The following BLOC1S5 variants were observed in gnomAD, a reference collection of about 807,000 sequenced individuals.
The protein encoded by BLOC1S5 is biogenesis of lysosomal organelles complex 1 subunit 5.
BLOC1S5 carries 27 observed loss-of-function variants against 24.3 expected under a neutral mutation model. That is an observed-to-expected ratio of 1.11 (90% confidence interval 0.82 to 1.53). The LOEUF (loss-of-function observed/expected upper bound fraction) is 1.53. BLOC1S5 is among the 40% of genes most tolerant of loss of function. The pLI is 0.00. For missense variants in BLOC1S5, 239 were observed against 229.4 expected (o/e 1.04, Z -0.27); for synonymous variants, 84 against 74.5 (o/e 1.13, Z -0.66).
chr6:8,020,724 A>T (rs1182396152), intron 4 of BLOC1S5, among the ~76,000 whole-genome samples: 1 of 152,222 alleles, frequency 6.6e-6, no homozygotes, highest in Non-Finnish European at 1.5e-5. Flanking sequence ...GTATTTATTG[A>T]TTCAAGAAAC....
At position 8,044,152 on chromosome 6, in the gene BLOC1S5, T is replaced by C. The variant is rs149005268; in HGVS notation, c.196-2884A>G. Among the ~76,000 whole-genome samples, 1,043 of 151,892 alleles carry C rather than the reference T, an allele frequency of 6.9e-3. 9 individuals carry two copies. Among genetic ancestry groups the C allele is most frequent in the African/African-American group, 0.023 (951 of 41,456 alleles). ...CAAAAAAATTAGCCAGGCGTGGTGG[T>C]GCATGCCTGTAATCCTAGCTACTCA... On this transcript the variant is annotated intron_variant, in intron 2 of 4. Transcript: ENST00000397457.
intron 2 of BLOC1S5, among the ~76,000 whole-genome samples, chr6:8,046,017 A>AT (rs1487360615): frequency 2.0e-5 from 3 of 152,122 alleles, no homozygotes; most frequent in Non-Finnish European, 4.4e-5. Context: ...CAAAGGTGGA[A>AT]TTATATGGTT....
chr6:8,018,520 T>G (rs1762815133), intron 4 of BLOC1S5, among the ~76,000 whole-genome samples: 1 of 152,194 alleles, frequency 6.6e-6, no homozygotes. Context: ...CCAGAACGCA[T>G]TTTATCCAGT....
At chr6:8,028,143 G>A (rs1191216764) in intron 3 of BLOC1S5, among the ~76,000 whole-genome samples, 1 of 151,814 alleles carries the variant, frequency 6.6e-6, no homozygotes, top group Non-Finnish European at 1.5e-5. Flanking sequence ...ACCCCAATCC[G>A]GCCCCAACTA....
intron 3 of BLOC1S5, among the ~76,000 whole-genome samples, chr6:8,040,393 T>C (rs982964734): frequency 2.0e-5 from 3 of 152,222 alleles, no homozygotes; most frequent in African/African-American, 4.8e-5. Context: ...TAGGTAAAGA[T>C]GGCAGAATGA....
intron 2 of BLOC1S5, among the ~76,000 whole-genome samples, 179 bp downstream of exon 2, chr6:8,062,352 CTGT>C: frequency 6.6e-6 from 1 of 152,176 alleles, no homozygotes; most frequent in Middle Eastern, 3.4e-3. Flanking sequence ...ATGTATCCTG[CTGT>C]TTAGTATGGA....
At chr6:8,023,830 A>G (rs1763011742) in intron 4 of BLOC1S5, among the ~76,000 whole-genome samples, 1 of 140,824 alleles carries the variant, frequency 7.1e-6, no homozygotes, top group Non-Finnish European at 1.5e-5. Flanking sequence ...GCACATGTGT[A>G]TATGTGCACA....
chr6:8,058,282 G>A (rs973719258), intron 2 of BLOC1S5, among the ~76,000 whole-genome samples: 1 of 144,890 alleles, frequency 6.9e-6, no homozygotes, highest in South Asian at 2.2e-4. Context: ...TACTTTTGGA[G>A]ACTGGGGTAG....
intron 2 of BLOC1S5, among the ~76,000 whole-genome samples, chr6:8,048,544 T>C (rs1763982829): frequency 6.6e-6 from 1 of 152,218 alleles, no homozygotes; most frequent in African/African-American, 2.4e-5. Flanking sequence ...TTTCCAGTTA[T>C]CAAAACACCA....
At chr6:8,040,989 G>T in intron 3 of BLOC1S5, 150 bp downstream of exon 3, 1 of 731,468 alleles carries the variant, frequency 1.4e-6, no homozygotes, top group Non-Finnish European at 2.1e-6. Context: ...ATTAATTAAT[G>T]GCAACACACA....
chr6:8,064,406 G>T (rs1366370212), upstream of BLOC1S5: 1 of 1,580,168 alleles, frequency 6.3e-7, no homozygotes, highest in Non-Finnish European at 8.6e-7. Flanking sequence ...CCGCGGCCAC[G>T]CTGCGCCTGC....
chr6:8,037,693 G>A (rs1020816229), intron 3 of BLOC1S5, among the ~76,000 whole-genome samples: 15 of 152,124 alleles, frequency 9.9e-5, no homozygotes, highest in African/African-American at 3.4e-4. Context: ...AACAAAGCTG[G>A]AGGCATCACA....
rs753710502 is a variant in BLOC1S5 at position 8,062,630 on chromosome 6, A to G, written c.113-14T>C. On this transcript the variant is annotated splice_polypyrimidine_tract_variant and intron_variant, in intron 1 of 4. Transcript: ENST00000397457. The stretch of plus-strand genomic sequence containing the variant: ...TTTCTCCAAGATCTATAAAGATAAA[A>G]TGAAATTCAGGGTTAATCCATGCTA... 2 of 1,555,412 alleles carry G rather than the reference A, an allele frequency of 1.3e-6. No homozygotes were observed. The highest frequency in any genetic ancestry group is 2.3e-5 in the South Asian group (2 of 87,154).
chr6:8,058,279 G>A (rs1354571655), intron 2 of BLOC1S5, among the ~76,000 whole-genome samples: 3 of 146,588 alleles, frequency 2.0e-5, no homozygotes, highest in Admixed American at 7.1e-5. Context: ...CAGTACTTTT[G>A]GAGACTGGGG....
intron 2 of BLOC1S5, among the ~76,000 whole-genome samples, chr6:8,055,601 G>A (rs1764278644): frequency 6.6e-6 from 1 of 152,142 alleles, no homozygotes; most frequent in Non-Finnish European, 1.5e-5. Flanking sequence ...ATTTTTAGAA[G>A]GGAGGGGTGG....
Position 8,064,311 on chromosome 6 carries a change from C to A in BLOC1S5, c.66G>T (p.Lys22Asn), listed in dbSNP as rs1470289414. 5.0e-6 allele frequency: 8 copies of A among 1,613,638 alleles called. No individual in the cohort carries two copies. Among genetic ancestry groups the A allele is most frequent in the African/African-American group, 2.7e-5 (2 of 74,942 alleles). Reference protein sequence around the residue: ...CEAAPGGGSKKRDSLGTAGSA... With the variant: ...CEAAPGGGSKNRDSLGTAGSA... ...AGCCCGCAGTCCCCAGGGAGTCCCT[C>A]TTCTTGCTGCCACCGCCCGGGGCGG... Residue 22 changes from lysine (K) to asparagine (N), a missense_variant, in exon 1 of 5, where the codon AAG becomes AAT. Coordinates refer to ENST00000397457, the MANE Select transcript of BLOC1S5 (RefSeq NM_201280.3).
At chr6:8,022,345 T>G (rs914880357) in intron 4 of BLOC1S5, among the ~76,000 whole-genome samples, 2 of 151,112 alleles carry the variant, frequency 1.3e-5, no homozygotes, top group East Asian at 1.9e-4. Context: ...AGTGCTGAGG[T>G]TGAGAAAACC....
At chr6:8,054,793 T>G (rs1764256411) in intron 2 of BLOC1S5, among the ~76,000 whole-genome samples, 1 of 152,236 alleles carries the variant, frequency 6.6e-6, no homozygotes, top group African/African-American at 2.4e-5. Context: ...ATTTTAGTAT[T>G]TTACTTCAAG....
Position 8,041,128 on chromosome 6 carries a change from T to C in BLOC1S5, c.325+11A>G, listed in dbSNP as rs746024429. On this transcript the variant is annotated intron_variant, in intron 3 of 4. Transcript: ENST00000397457. Reference sequence around the variant, plus strand: ...AAATGAAAAGCAATTAAAAAAGAATTGCTGACTCACATCTCTGGAGAACCT... The same window carrying C: ...AAATGAAAAGCAATTAAAAAAGAATCGCTGACTCACATCTCTGGAGAACCT... 1.9e-6 allele frequency: 3 copies of C among 1,562,846 alleles called. No individual in the cohort carries two copies. The South Asian group carries it at 3.6e-5, about 19-fold the overall frequency.
Sources: gnomAD v4.1 joint callset for allele counts (sites outside exome capture counted in the v4.1 genomes callset) on GRCh38, gnomAD v4.1.1 for gene constraint, MANE v1.5 for transcripts, NCBI Gene and HGNC (gene_info 2026-07-23, HGNC 2026-07-21) for gene names.